Variants in TBXAS1 observed in about 807,000 individuals in gnomAD.
TBXAS1 encodes thromboxane A synthase 1, also known as thromboxane-A synthase.
A neutral mutation model predicts 60.7 loss-of-function variants in TBXAS1; 48 were observed. The observed-to-expected ratio is 0.79, with a 90% CI of 0.63 to 1.01. The LOEUF is 1.01. Among genes scored for constraint, TBXAS1 ranks in the 50% least tolerant of loss-of-function variants. The pLI, the probability that TBXAS1 is intolerant of heterozygous loss-of-function variation, is 0.00. For missense variants in TBXAS1, 685 were observed against 686.3 expected, an observed-to-expected ratio of 1.00 and a Z score of 0.02; for synonymous variants, 287 against 269.7, an observed-to-expected ratio of 1.06 and a Z score of -0.63.
At chr7:139,857,939 G>T (rs890218247) in intron 1 of TBXAS1, among the ~76,000 whole-genome samples, 1 of 151,768 alleles carries the variant, frequency 6.6e-6, no homozygotes, top group African/African-American at 2.4e-5. Flanking sequence ...TTGCTATGTT[G>T]CCCAGGCTGG....
intron 9 of TBXAS1, among the ~76,000 whole-genome samples, chr7:139,986,424 G>T (rs1001375768): frequency 6.6e-6 from 1 of 151,998 alleles, no homozygotes; most frequent in Non-Finnish European, 1.5e-5. Flanking sequence ...ACATGAGTAA[G>T]TTCTTTAGGG....
At position 139,999,673 on chromosome 7, in the gene TBXAS1, A is replaced by C. The variant is rs1240325905; in HGVS notation, c.1135-7418A>C. ...GAGTGAATGGAAATCTTTATTCTTCATATGGCTGTATTGCCCCAAGCTGTC... is the reference window on the plus strand; with the variant it reads ...GAGTGAATGGAAATCTTTATTCTTCCTATGGCTGTATTGCCCCAAGCTGTC... On this transcript the variant is annotated intron_variant, in intron 9 of 12. Transcript: ENST00000448866. This position sits in a 1 kb window ranked among gnomAD's most constrained non-coding sequence, Gnocchi z 4.3. Among the ~76,000 whole-genome samples, 1 of 152,226 alleles carries C rather than the reference A, an allele frequency of 6.6e-6. No individual in the cohort carries two copies. Among genetic ancestry groups the C allele is most frequent in the East Asian group, 1.9e-4 (1 of 5,200 alleles).
chr7:139,962,262 T>A, intron 9 of TBXAS1, 29 bp downstream of exon 9: 12 of 1,612,700 alleles, frequency 7.4e-6, no homozygotes, highest in Non-Finnish European at 1.0e-5. Flanking sequence ...CAGTTACCCA[T>A]GGGATATCCA....
intron 9 of TBXAS1, among the ~76,000 whole-genome samples, chr7:139,997,941 T>C (rs777806649): frequency 3.3e-5 from 5 of 152,238 alleles, no homozygotes; most frequent in Non-Finnish European, 1.5e-5. Flanking sequence ...CATAAGGCTT[T>C]ATTCATAATG....
chr7:139,829,328 G>A lies in TBXAS1; in HGVS notation c.-63G>A. The stretch of plus-strand genomic sequence containing the variant: ...TACCTGCAGAGCACGGTTCCCATAA[G>A]GGCGGCGAGATCAGCCTCCTGTCTC... On this transcript the variant is annotated 5_prime_UTR_variant, in exon 1 of 13. Coordinates refer to ENST00000448866, the MANE Select transcript of TBXAS1 (RefSeq NM_001061.7). 1 of 1,509,574 alleles carries A rather than the reference G, an allele frequency of 6.6e-7. No individual in the cohort carries two copies. Among genetic ancestry groups the A allele is most frequent in the South Asian group, 1.2e-5 (1 of 85,760 alleles). 93.5% of individuals were successfully genotyped at this position (1,509,574 alleles called of 1,614,324 possible). A position where few individuals can be genotyped will look rare whatever the true frequency, so the allele number is the denominator to read the frequency against.
Position 139,961,918 on chromosome 7 carries a change from G to C in TBXAS1, c.820-1G>C. 1.9e-6 allele frequency: 3 copies of C among 1,614,208 alleles called. No individual in the cohort carries two copies. The highest frequency in any genetic ancestry group is 2.5e-6 in the Non-Finnish European group (3 of 1,180,042). ...TGCATTTTTCTCCTTTTGTTCCTTA[G>C]AGGCGGAGAGACTTCCTCCAAATGG... On this transcript the variant is annotated splice_acceptor_variant, in intron 8 of 12. Transcript: ENST00000448866. LOFTEE classifies it high-confidence loss of function.
intron 10 of TBXAS1, among the ~76,000 whole-genome samples, chr7:140,008,375 A>G (rs988085754): frequency 3.3e-5 from 5 of 150,934 alleles, no homozygotes; most frequent in Admixed American, 2.6e-4. Flanking sequence ...CAGCATTAAG[A>G]CCTGATGTGC....
In TBXAS1 at chr7:139,962,001, G is replaced by T. The variant is rs1310612979; in HGVS notation, c.902G>T (p.Arg301Ile). The change falls in exon 9 of 13, where the codon AGA becomes ATA. Residue 301 changes from arginine (R) to isoleucine (I), a missense_variant. Coordinates refer to ENST00000448866, the MANE Select transcript of TBXAS1 (RefSeq NM_001061.7). ...PMGVQDFDIV[R>I]DVFSSTGCKP... Reference sequence around the variant, plus strand: ...GGCGTGCAAGACTTTGACATCGTCAGAGACGTTTTCTCCTCTACTGGGTGC... The same window carrying T: ...GGCGTGCAAGACTTTGACATCGTCATAGACGTTTTCTCCTCTACTGGGTGC... 1 of 1,614,234 alleles carries T rather than the reference G, an allele frequency of 6.2e-7. No homozygotes were observed. The highest frequency in any genetic ancestry group is 1.7e-5 in the Admixed American group (1 of 60,018).
In TBXAS1 at chr7:139,852,628, T is replaced by G. The variant is rs564718903; in HGVS notation, c.90-19607T>G. On this transcript the variant is annotated intron_variant, in intron 1 of 12. Transcript: ENST00000448866. The surrounding 1 kb of genome is among the most constrained non-coding windows in gnomAD (Gnocchi z 4.4). ...TGGGGGATTACAGGAACAAACATGA[T>G]GCAAGGGGATTATAAATATTTTTTT... Among the ~76,000 whole-genome samples the G allele has an allele frequency of 2.6e-5, 4 of 152,158 alleles. No individual in the cohort carries two copies. In the South Asian group the frequency reaches 8.3e-4, roughly 31 times the overall value.
intron 4 of TBXAS1, among the ~76,000 whole-genome samples, chr7:139,793,985 A>C (rs1243434095): frequency 6.6e-6 from 1 of 152,208 alleles, no homozygotes; most frequent in Admixed American, 6.5e-5. Context: ...GGCAAAGAGA[A>C]TGAGAAGGCT....
At chr7:139,927,853 T>G (rs1046172427) in intron 4 of TBXAS1, among the ~76,000 whole-genome samples, 3 of 152,196 alleles carry the variant, frequency 2.0e-5, no homozygotes, top group African/African-American at 7.2e-5. Context: ...ATATTAAATT[T>G]GTATCCAACA....
At chr7:139,857,729 A>ATTTT (rs544006307) in intron 1 of TBXAS1, among the ~76,000 whole-genome samples, 54 of 139,664 alleles carry the variant, frequency 3.9e-4, no homozygotes, top group African/African-American at 1.3e-3. Flanking sequence ...TTTCTTCTTA[A>ATTTT]TTTTTTTTTT....
intron 5 of TBXAS1, among the ~76,000 whole-genome samples, chr7:139,941,433 G>T (rs563961386): frequency 0.014 from 2,120 of 147,954 alleles, 47 homozygotes; most frequent in African/African-American, 0.05. Flanking sequence ...AATTAAAATT[G>T]TTTTTTTTTT....
chr7:139,790,388 C>T (rs552236286), intron 4 of TBXAS1, among the ~76,000 whole-genome samples: 6 of 152,292 alleles, frequency 3.9e-5, no homozygotes, highest in Middle Eastern at 3.4e-3. Flanking sequence ...TTTTAAAATT[C>T]CCATTTCTTT....
At chr7:139,879,281 A>G (rs1378819959) in intron 3 of TBXAS1, among the ~76,000 whole-genome samples, 1 of 152,178 alleles carries the variant, frequency 6.6e-6, no homozygotes, top group Admixed American at 6.5e-5. Context: ...GGTTCTGTGT[A>G]AATAAAACTA....
At chr7:139,879,915 T>A (rs1802565452) in intron 3 of TBXAS1, among the ~76,000 whole-genome samples, 1 of 151,078 alleles carries the variant, frequency 6.6e-6, no homozygotes, top group Non-Finnish European at 1.5e-5. Context: ...AGAGTCTTGC[T>A]CTGTCATGCA....
intron 4 of TBXAS1, among the ~76,000 whole-genome samples, chr7:139,927,198 A>G (rs1370177185): frequency 1.3e-5 from 2 of 148,226 alleles, no homozygotes; most frequent in East Asian, 3.9e-4. Flanking sequence ...GGATTTCACC[A>G]TGTTAGCCAG....
In TBXAS1 at chr7:139,962,080, T is replaced by A; in HGVS notation, c.981T>A (p.Thr327=). 6.2e-7 allele frequency: 1 copy of A among 1,614,250 alleles called. No individual in the cohort carries two copies. The highest frequency in any genetic ancestry group is 8.5e-7 in the Non-Finnish European group (1 of 1,180,034). ...HQPSPMARPL[T]VDEIVGQAFI... ...CCAGCCCTATGGCCAGGCCTTTGAC[T>A]GTGGATGAGATTGTGGGCCAGGCCT... Residue 327 remains threonine (T), a synonymous_variant, in exon 9 of 13, where the codon ACT becomes ACA. Transcript: ENST00000448866.
At chr7:139,802,720 G>C (rs1454646181) in intron 4 of TBXAS1, among the ~76,000 whole-genome samples, 1 of 152,176 alleles carries the variant, frequency 6.6e-6, no homozygotes, top group Non-Finnish European at 1.5e-5. Context: ...AGGAGGTGGA[G>C]TTGCAGTGAG....
Sources: allele counts gnomAD v4.1 joint callset (sites outside exome capture counted in the v4.1 genomes callset), GRCh38; gene constraint gnomAD v4.1.1; non-coding constraint Gnocchi (gnomAD v3.1); transcripts MANE v1.5; gene names NCBI Gene and HGNC (gene_info 2026-07-23, HGNC 2026-07-21).